Variants in KLF7 observed in about 807,000 individuals in gnomAD.
KLF7 encodes the protein Krueppel-like factor 7.
Under a neutral mutation model 27.3 loss-of-function variants are expected in KLF7, and 2 were observed. That is an observed-to-expected ratio of 0.07 (90% CI 0.03 to 0.23). The LOEUF is 0.23. Among genes scored for constraint, KLF7 ranks in the 10% least tolerant of loss-of-function variants. KLF7 has a pLI of 1.00. For synonymous variants in KLF7, 165 were observed against 162.4 expected, an observed-to-expected ratio of 1.02 and a Z score of -0.12; for missense variants, 221 against 394.1, an observed-to-expected ratio of 0.56 and a Z score of 3.72.
At chr2:207,134,658 C>T (rs531476434) in intron 1 of KLF7, among the ~76,000 whole-genome samples, 1 of 152,170 alleles carries the variant, frequency 6.6e-6, no homozygotes, top group Non-Finnish European at 1.5e-5. Context: ...TGTGGGTGTG[C>T]CAAGTGCCAC....
At chr2:207,137,759 TA>T (rs1290306241) in intron 1 of KLF7, among the ~76,000 whole-genome samples, 1 of 152,330 alleles carries the variant, frequency 6.6e-6, no homozygotes, top group African/African-American at 2.4e-5. Context: ...CCTCTCTCTC[TA>T]AATCTTTCGT....
rs1490832702 is a variant in KLF7, at chr2:207,074,620, C to G, written c.*6593G>C. 1 of 152,118 alleles carries G rather than the reference C, an allele frequency of 6.6e-6. No homozygotes were observed. 9.4% of individuals were successfully genotyped at this position (152,118 alleles called of 1,614,324 possible). A position where few individuals can be genotyped will look rare whatever the true frequency, so the allele number is the denominator to read the frequency against. ...CATTTTACTGCCCCCTACCCCTCAC[C>G]TAAATTATTCCCTCTGATCTTTACC... is the stretch of plus-strand genomic sequence containing the variant. On this transcript the variant is annotated 3_prime_UTR_variant, in exon 4 of 4. Transcript: ENST00000309446.
intron 3 of KLF7, 110 bp downstream of exon 3, chr2:207,088,348 A>C (rs934349046): frequency 7.7e-7 from 1 of 1,291,608 alleles, no homozygotes; most frequent in Non-Finnish European, 1.1e-6. Context: ...CCCAGGTCCA[A>C]GTGTCTGTGA....
intron 1 of KLF7, among the ~76,000 whole-genome samples, chr2:207,144,108 T>C (rs1479731846): frequency 4.1e-5 from 6 of 148,060 alleles, no homozygotes; most frequent in Admixed American, 3.4e-4. Flanking sequence ...ATGAACGCAA[T>C]GTAGAGAGGC....
At chr2:207,142,842 T>A (rs920359758) in intron 1 of KLF7, among the ~76,000 whole-genome samples, 1 of 152,188 alleles carries the variant, frequency 6.6e-6, no homozygotes, top group Non-Finnish European at 1.5e-5. Flanking sequence ...GCCTAAAAAA[T>A]GTCTTCTATT....
intron 3 of KLF7, among the ~76,000 whole-genome samples, chr2:207,085,164 G>GAAAAAAAAAAAAAAAAAAAA (rs1015691241): frequency 4.3e-5 from 1 of 22,994 alleles, no homozygotes; most frequent in Non-Finnish European, 7.6e-5. Context: ...TGTCTCAAAT[G>GAAAAAAAAAAAAAAAAAAAA]AAAAAAAAAA....
At chr2:207,082,409 G>T (rs1268909266) in intron 3 of KLF7, among the ~76,000 whole-genome samples, 2 of 152,172 alleles carry the variant, frequency 1.3e-5, no homozygotes, top group African/African-American at 4.8e-5. Flanking sequence ...GATAGAAAGA[G>T]TCCAGATGAT....
chr2:207,100,465 C>T (rs12464132), intron 2 of KLF7, among the ~76,000 whole-genome samples: 72,278 of 151,928 alleles, frequency 0.48, 17,647 homozygotes, highest in Middle Eastern at 0.55. Flanking sequence ...CTAGGATAGA[C>T]GCTCTTCACA....
At chr2:207,171,805 CAAAA>C (rs1429839414), upstream of KLF7, among the ~76,000 whole-genome samples, 1 of 152,100 alleles carries the variant, frequency 6.6e-6, no homozygotes, top group African/African-American at 2.4e-5. Flanking sequence ...CACTGGGAAA[CAAAA>C]AACTTGCATG....
In KLF7 at chr2:207,080,401, C is replaced by T. The variant is rs2076246523; in HGVS notation, c.*812G>A. 6.4e-6 allele frequency: 1 copy of T among 157,168 alleles called. No homozygotes were observed. The highest frequency in any genetic ancestry group is 2.4e-5 in the African/African-American group (1 of 41,660). 9.7% of individuals were successfully genotyped at this position (157,168 alleles called of 1,614,324 possible). Reference sequence around the variant, plus strand: ...TTTATTCTCTTGGCCACTTTGCAGTCATGCTAGAAGTTTCCAGAATCCCTA... The same window carrying T: ...TTTATTCTCTTGGCCACTTTGCAGTTATGCTAGAAGTTTCCAGAATCCCTA... On this transcript the variant is annotated 3_prime_UTR_variant, in exon 4 of 4. Transcript: ENST00000309446.
At chr2:207,161,846 GATTT>G (rs1210406613) in intron 1 of KLF7, among the ~76,000 whole-genome samples, 5 of 152,180 alleles carry the variant, frequency 3.3e-5, no homozygotes, top group Admixed American at 2.6e-4. Context: ...AATGTTCTAT[GATTT>G]ATTTATTTGT....
intron 1 of KLF7, among the ~76,000 whole-genome samples, chr2:207,155,067 C>T (rs58942037): frequency 0.35 from 52,679 of 151,902 alleles, 9,375 homozygotes; most frequent in Middle Eastern, 0.39. Context: ...CTGGGCCCTG[C>T]TGAGGCTTGG....
At chr2:207,147,121 G>C (rs2078117667) in intron 1 of KLF7, among the ~76,000 whole-genome samples, 1 of 152,168 alleles carries the variant, frequency 6.6e-6, no homozygotes, top group Admixed American at 6.5e-5. Flanking sequence ...GGGGTGAAGT[G>C]TGGCAAATTT....
intron 2 of KLF7, among the ~76,000 whole-genome samples, chr2:207,106,697 T>G (rs1391420527): frequency 6.6e-6 from 1 of 152,166 alleles, no homozygotes; most frequent in Non-Finnish European, 1.5e-5. Flanking sequence ...GCTTTCCTTC[T>G]GAAGAGCTCC....
At chr2:207,104,033 G>A (rs1170038317) in intron 2 of KLF7, among the ~76,000 whole-genome samples, 2 of 152,178 alleles carry the variant, frequency 1.3e-5, no homozygotes, top group Non-Finnish European at 2.9e-5. Flanking sequence ...CACCTCCAGA[G>A]GCTGGTGTTT....
At chr2:207,119,230 T>TG (rs1323857954) in intron 2 of KLF7, among the ~76,000 whole-genome samples, 1 of 152,242 alleles carries the variant, frequency 6.6e-6, no homozygotes, top group African/African-American at 2.4e-5. Flanking sequence ...GACAGGCCAT[T>TG]GTCCTGACTT....
upstream of KLF7, among the ~76,000 whole-genome samples, chr2:207,167,484 T>G (rs532397061): frequency 1.3e-5 from 2 of 152,294 alleles, no homozygotes; most frequent in South Asian, 4.1e-4. Flanking sequence ...TAGGACTCGA[T>G]AACACAACAT....
Position 207,077,485 on chromosome 2 carries a change from A to G in KLF7, c.*3728T>C, listed in dbSNP as rs2076195189. On this transcript the variant is annotated 3_prime_UTR_variant, in exon 4 of 4. Transcript: ENST00000309446. ...AAGGGCACAAGAGGTGCAGGTGGAG[A>G]GGAGATGGCGTCGAGAGAAGAGGAT... is the stretch of plus-strand genomic sequence containing the variant. 1 of 152,222 alleles carries G rather than the reference A, an allele frequency of 6.6e-6. No homozygotes were observed. Among genetic ancestry groups the G allele is most frequent in the Non-Finnish European group, 1.5e-5 (1 of 68,060 alleles). 9.4% of individuals were successfully genotyped at this position (152,222 alleles called of 1,614,324 possible). A position where few individuals can be genotyped will look rare whatever the true frequency, so the allele number is the denominator to read the frequency against.
At chr2:207,167,012 G>A (rs1465433751), upstream of KLF7, 8 of 893,854 alleles carry the variant, frequency 9.0e-6, no homozygotes, top group African/African-American at 1.7e-5. Flanking sequence ...GAGTCCGGCG[G>A]CTAGAGTTGA....
Sources: gnomAD v4.1 joint callset for allele counts (sites outside exome capture counted in the v4.1 genomes callset) on GRCh38, gnomAD v4.1.1 for gene constraint, MANE v1.5 for transcripts, NCBI Gene and HGNC (gene_info 2026-07-23, HGNC 2026-07-21) for gene names.